Variants in PTK2 observed in about 807,000 individuals in gnomAD.
The protein encoded by PTK2 is protein tyrosine kinase 2.
In PTK2, 45 loss-of-function variants were observed where a neutral mutation model predicts 150.1. The observed-to-expected ratio is 0.30, with a 90% confidence interval of 0.24 to 0.38. The LOEUF (loss-of-function observed/expected upper bound fraction) is 0.38. PTK2 is among the 10% of genes least tolerant of loss of function. PTK2 has a pLI of 1.00. For missense variants in PTK2, 919 were observed against 1,307.3 expected (o/e 0.70, Z 4.58); for synonymous variants, 432 against 449.2 (o/e 0.96, Z 0.48).
intron 26 of PTK2, among the ~76,000 whole-genome samples, chr8:140,691,199 G>A (rs58254850): frequency 4.9e-5 from 7 of 144,308 alleles, no homozygotes; most frequent in Admixed American, 6.9e-5. Flanking sequence ...ATGGTTGGGG[G>A]TGGGGGGTCT....
chr8:140,682,634 T>TAA (rs398068343), intron 27 of PTK2, among the ~76,000 whole-genome samples: 12 of 125,592 alleles, frequency 9.6e-5, no homozygotes, highest in African/African-American at 2.3e-4. Context: ...TATAGCTAAT[T>TAA]AAAAAAAAAA....
At chr8:140,668,375 G>C (rs760973444) in exon 30 of PTK2, 1 of 1,613,808 alleles carries the variant, frequency 6.2e-7, no homozygotes, top group Non-Finnish European at 8.5e-7. Context: ...CTTATCATTC[G>C]ACCGGTCCAG....
chr8:140,849,499 A>C (rs2100127814), intron 5 of PTK2, among the ~76,000 whole-genome samples: 1 of 152,246 alleles, frequency 6.6e-6, no homozygotes, highest in Non-Finnish European at 1.5e-5. Flanking sequence ...AACCAAACTG[A>C]TCAAGCATTT....
At chr8:140,831,660 A>G (rs2100115481) in intron 7 of PTK2, among the ~76,000 whole-genome samples, 1 of 152,222 alleles carries the variant, frequency 6.6e-6, no homozygotes, top group Admixed American at 6.5e-5. Context: ...TATGTTCATT[A>G]CATCCTATAA....
At chr8:140,987,369 T>C (rs2100193687) in intron 1 of PTK2, among the ~76,000 whole-genome samples, 2 of 152,090 alleles carry the variant, frequency 1.3e-5, no homozygotes, top group South Asian at 2.1e-4. Context: ...TTAGTAGAGA[T>C]GGGTTTTCGT....
At chr8:140,685,910 T>C (rs963465294) in intron 27 of PTK2, among the ~76,000 whole-genome samples, 2 of 152,186 alleles carry the variant, frequency 1.3e-5, no homozygotes, top group African/African-American at 4.8e-5. Flanking sequence ...ATATAAATCT[T>C]TCTACCATAA....
intron 2 of PTK2, among the ~76,000 whole-genome samples, chr8:140,896,438 A>C (rs1482313690): frequency 6.6e-6 from 1 of 152,234 alleles, no homozygotes; most frequent in Non-Finnish European, 1.5e-5. Context: ...ATGTATCATG[A>C]CCAAAAGTTT....
At chr8:140,860,247 C>CT (rs2100135267) in intron 5 of PTK2, among the ~76,000 whole-genome samples, 1 of 152,108 alleles carries the variant, frequency 6.6e-6, no homozygotes, top group Non-Finnish European at 1.5e-5. Context: ...CTGTAATATG[C>CT]TTATAAGCAC....
chr8:140,849,708 T>C (rs2100127959), intron 5 of PTK2, among the ~76,000 whole-genome samples: 2 of 152,228 alleles, frequency 1.3e-5, no homozygotes, highest in Non-Finnish European at 2.9e-5. Flanking sequence ...CAGGGACCAG[T>C]TACTACGCTA....
chr8:140,842,139 T>C (rs2154603944), intron 7 of PTK2, among the ~76,000 whole-genome samples: 1 of 152,234 alleles, frequency 6.6e-6, no homozygotes, highest in East Asian at 1.9e-4. Context: ...AACAGAGAGC[T>C]ATAAGGATAT....
chr8:140,746,236 G>A (rs561319118), intron 18 of PTK2, among the ~76,000 whole-genome samples: 49 of 152,192 alleles, frequency 3.2e-4, no homozygotes, highest in African/African-American at 1.1e-3. Context: ...GGAAGTTGAG[G>A]TGGGAGATCG....
intron 27 of PTK2, among the ~76,000 whole-genome samples, chr8:140,677,922 A>C (rs1429653306): frequency 3.9e-5 from 6 of 152,250 alleles, no homozygotes; most frequent in African/African-American, 1.4e-4. Flanking sequence ...ATGCAGTGGA[A>C]GGAGACAGGT....
intron 25 of PTK2, among the ~76,000 whole-genome samples, chr8:140,701,841 A>G (rs1341454012): frequency 6.6e-6 from 1 of 152,126 alleles, no homozygotes; most frequent in Non-Finnish European, 1.5e-5. Flanking sequence ...AGTCATTAAA[A>G]TATGACCGGG....
intron 2 of PTK2, among the ~76,000 whole-genome samples, chr8:140,912,963 A>G (rs1313422014): frequency 1.3e-5 from 2 of 152,050 alleles, no homozygotes; most frequent in African/African-American, 4.8e-5. Flanking sequence ...AGAAAAAAGA[A>G]AAAGGATATC....
chr8:140,697,654 C>T (rs1053958634), intron 26 of PTK2, among the ~76,000 whole-genome samples: 3 of 152,102 alleles, frequency 2.0e-5, no homozygotes, highest in African/African-American at 7.2e-5. Flanking sequence ...GAACTCCTGA[C>T]CTCTGCCTCT....
At chr8:140,676,138 A>G (rs2100013503) in intron 27 of PTK2, among the ~76,000 whole-genome samples, 1 of 152,042 alleles carries the variant, frequency 6.6e-6, no homozygotes, top group Non-Finnish European at 1.5e-5. Context: ...GCACTCTGGG[A>G]GGTCAAAATG....
At chr8:140,824,830 T>C (rs1425367021) in intron 8 of PTK2, among the ~76,000 whole-genome samples, 1 of 152,224 alleles carries the variant, frequency 6.6e-6, no homozygotes, top group Non-Finnish European at 1.5e-5. Flanking sequence ...AACCTGGATT[T>C]TGGAAACAAG....
chr8:140,837,612 C>T (rs563163110), intron 7 of PTK2, among the ~76,000 whole-genome samples: 8 of 151,756 alleles, frequency 5.3e-5, no homozygotes, highest in Non-Finnish European at 1.2e-4. Flanking sequence ...ACCTGTAATC[C>T]CTGATACTTG....
At chr8:140,709,943 C>T (rs2100035855) in intron 23 of PTK2, among the ~76,000 whole-genome samples, 1 of 151,994 alleles carries the variant, frequency 6.6e-6, no homozygotes, top group Admixed American at 6.6e-5. Flanking sequence ...ATAGATTCAA[C>T]CAATTGCAGA....
Sources: gnomAD v4.1 joint callset for allele counts (sites outside exome capture counted in the v4.1 genomes callset) on GRCh38, gnomAD v4.1.1 for gene constraint, MANE v1.5 for transcripts, NCBI Gene and HGNC (gene_info 2026-07-23, HGNC 2026-07-21) for gene names.